The following PKLR variants were observed in gnomAD, a reference collection of about 807,000 sequenced individuals.
PKLR encodes the protein pyruvate kinase L/R, also known as pyruvate kinase PKLR.
Under a neutral mutation model 53.6 loss-of-function variants are expected in PKLR, and 38 were observed. That is an observed-to-expected ratio of 0.71 (90% CI 0.55 to 0.93). The LOEUF (loss-of-function observed/expected upper bound fraction) is 0.93, where lower values mean the gene tolerates loss of function less well. Among genes scored for constraint, PKLR ranks in the 40% least tolerant of loss-of-function variants. The probability of loss-of-function intolerance (pLI) is 0.00; values close to 1 mark genes in which losing one functional copy is unlikely to be tolerated. For synonymous variants in PKLR, 328 were observed against 316.2 expected (o/e 1.04, Z -0.39); for missense variants, 702 against 787.3 (o/e 0.89, Z 1.30).
rs1222147386 is a variant in PKLR, at chr1:155,295,997, G to A, written c.284-241C>T. On this transcript the variant is annotated intron_variant, in intron 2 of 10. Coordinates refer to ENST00000342741, the MANE Select transcript of PKLR (RefSeq NM_000298.6). The surrounding 1 kb of genome is among the most constrained non-coding windows in gnomAD (Gnocchi z 4.3). ...GGGAGTGCCCTCCGCCAGGCCTGAG[G>A]TCACTGTATGGGCATGTATGGGCAC... 6.6e-6 allele frequency among the ~76,000 whole-genome samples: 1 copy of A among 152,190 alleles called. No homozygotes were observed. The highest frequency in any genetic ancestry group is 1.5e-5 in the Non-Finnish European group (1 of 68,032).
upstream of PKLR, among the ~76,000 whole-genome samples, chr1:155,306,157 G>A (rs1648229636): frequency 6.6e-6 from 1 of 152,150 alleles, no homozygotes; most frequent in Non-Finnish European, 1.5e-5. The surrounding 1 kb of genome is among the most constrained non-coding windows in gnomAD (Gnocchi z 4.2). Flanking sequence ...CATGAAGCAT[G>A]GTCTGCACTT....
chr1:155,297,391 A>G (rs2148211734), intron 2 of PKLR, among the ~76,000 whole-genome samples: 1 of 151,844 alleles, frequency 6.6e-6, no homozygotes, highest in South Asian at 2.1e-4. Context: ...TTATGGCAAA[A>G]ACCTCAGAGT....
Position 155,290,645 on chromosome 1 carries a change from A to C in PKLR, c.1652T>G (p.Leu551Arg), listed in dbSNP as rs1674490071. 1 of 1,613,310 alleles carries C rather than the reference A, an allele frequency of 6.2e-7. No homozygotes were observed. The highest frequency in any genetic ancestry group is 8.5e-7 in the Non-Finnish European group (1 of 1,179,458). Residue 551 changes from leucine to arginine, a missense_variant, in exon 11 of 11, where the codon CTG (leucine) becomes CGG (arginine). By Grantham distance (102) the Leu-to-Arg change is moderately radical. This residue lies in a region of PKLR where 183 missense variants were observed against 250.2 expected (regional missense o/e 0.73). Transcript: ENST00000342741. ...KLRGFLRVGD[L>R]VIVVTGWRPG... ...TCGCCAGCCTGTCACCACAATCACC[A>C]GGTCTCCAACACGGAGGAAGCCACG...
At chr1:155,292,027 A>G (rs1647245130) in intron 9 of PKLR, 90 bp from the exon 10 acceptor site, 1 of 1,259,192 alleles carries the variant, frequency 7.9e-7, no homozygotes, top group African/African-American at 1.5e-5. Context: ...GGTGTCACTA[A>G]CAAGCTGTGT....
upstream of PKLR, chr1:155,301,537 C>A (rs1048589525): frequency 2.9e-6 from 3 of 1,031,434 alleles, no homozygotes; most frequent in Admixed American, 2.0e-5. Context: ...ATCCCTCCCC[C>A]AGAACGGCCT....
Position 155,294,768 on chromosome 1 carries a change from G to A in PKLR, c.695-16C>T. ...CCCTCTGGGCCTGCGGACATGGAAA[G>A]AGCCAGCTGCGGTCAGGGGTGAGGA... On this transcript the variant is annotated splice_polypyrimidine_tract_variant and intron_variant, in intron 5 of 10. Coordinates refer to ENST00000342741, the MANE Select transcript of PKLR (RefSeq NM_000298.6). The A allele has an allele frequency of 6.2e-7, 1 of 1,613,714 alleles. No individual in the cohort carries two copies. The highest frequency in any genetic ancestry group is 1.7e-5 in the Admixed American group (1 of 60,022).
At position 155,290,523 on chromosome 1, in the gene PKLR, G is replaced by A. The variant is rs1198217070; in HGVS notation, c.*49C>T. ...GGGCTGGAGAACGTAGACTGGGGAG[G>A]AAGGGATGGGGTACAAGGGTAGGCT... On this transcript the variant is annotated 3_prime_UTR_variant, in exon 11 of 11. Coordinates refer to ENST00000342741, the MANE Select transcript of PKLR (RefSeq NM_000298.6). 9.0e-7 allele frequency: 1 copy of A among 1,109,318 alleles called. No homozygotes were observed. The highest frequency in any genetic ancestry group is 1.6e-5 in the African/African-American group (1 of 64,488). The allele number at this position is 1,109,318 out of a possible 1,614,324, so 68.7% of individuals were successfully genotyped here. A position where few individuals can be genotyped will look rare whatever the true frequency, so the allele number is the denominator to read the frequency against.
chr1:155,304,239 C>G (rs1227249495), upstream of PKLR, among the ~76,000 whole-genome samples: 1 of 151,996 alleles, frequency 6.6e-6, no homozygotes, highest in Non-Finnish European at 1.5e-5. Context: ...TTGAGACCAG[C>G]CTGGCTAACA....
intron 1 of PKLR, chr1:155,300,915 T>G (rs1338707381): frequency 6.2e-7 from 1 of 1,605,248 alleles, no homozygotes; most frequent in Non-Finnish European, 8.5e-7. Flanking sequence ...TGGGTCTCCC[T>G]CTCTGTGGGT....
intron 9 of PKLR, among the ~76,000 whole-genome samples, chr1:155,292,345 A>G (rs1342894437): frequency 6.6e-6 from 1 of 151,724 alleles, no homozygotes; most frequent in Admixed American, 6.6e-5. Flanking sequence ...TTTAAGAAAT[A>G]TAAAAGCTGG....
At chr1:155,299,999 G>A (rs999333824) in intron 2 of PKLR, 99 bp downstream of exon 2, 1 of 1,274,190 alleles carries the variant, frequency 7.8e-7, no homozygotes, top group African/African-American at 1.5e-5. Flanking sequence ...GAATGACTGT[G>A]TCAAACATGG....
intron 2 of PKLR, among the ~76,000 whole-genome samples, chr1:155,297,700 G>A (rs1647675368): frequency 6.6e-6 from 1 of 151,982 alleles, no homozygotes; most frequent in African/African-American, 2.4e-5. Flanking sequence ...GGAGGAAAAC[G>A]CAACTCAAAT....
At chr1:155,298,548 A>C (rs1429444476) in intron 2 of PKLR, among the ~76,000 whole-genome samples, 1 of 145,612 alleles carries the variant, frequency 6.9e-6, no homozygotes, top group African/African-American at 2.6e-5. Flanking sequence ...GCTGGTCTCG[A>C]ACTCCTGACC....
At chr1:155,300,013 A>C in intron 2 of PKLR, 85 bp downstream of exon 2, 1 of 1,322,206 alleles carries the variant, frequency 7.6e-7, no homozygotes, top group Non-Finnish European at 1.1e-6. Flanking sequence ...AACATGGAGA[A>C]GTCTCAAAGG....
intron 10 of PKLR, among the ~76,000 whole-genome samples, chr1:155,291,024 AT>A: frequency 2.1e-5 from 3 of 141,770 alleles, no homozygotes; most frequent in Admixed American, 7.0e-5. Context: ...AATAATAATA[AT>A]AATAATAATA....
At position 155,291,880 on chromosome 1, in the gene PKLR, G is replaced by A. The variant is rs1413894044; in HGVS notation, c.1494C>T (p.Arg498=). The change falls in exon 10 of 11, where the codon CGC becomes CGT. Residue 498 remains arginine, a synonymous_variant. Coordinates refer to ENST00000342741, the MANE Select transcript of PKLR (RefSeq NM_000298.6). ...RPRAAVIAVT[R]SAQAARQVHL... ...GGACCTGGCGGGCAGCCTGGGCAGAGCGGGTGACAGCAATGACTGCTGCCC... is the reference window on the plus strand; with the variant it reads ...GGACCTGGCGGGCAGCCTGGGCAGAACGGGTGACAGCAATGACTGCTGCCC... The A allele has an allele frequency of 3.1e-6, 5 of 1,614,006 alleles. No homozygotes were observed. The highest frequency in any genetic ancestry group is 1.7e-4 in the Middle Eastern group (1 of 5,912).
upstream of PKLR, among the ~76,000 whole-genome samples, chr1:155,304,123 T>C (rs2095144564): frequency 6.6e-6 from 1 of 152,024 alleles, no homozygotes; most frequent in African/African-American, 2.4e-5. Flanking sequence ...TTTAGGTCCC[T>C]CCCGCTGCTG....
rs1415897549 is a variant in PKLR at position 155,295,261 on chromosome 1, C to G, written c.549G>C (p.Val183=). ...SEVELVKGSQ[V]LVTVDPAFRT... ...GGAACGCGGGGTCCACAGTCACCAG[C>G]ACCTGGGAGCCCTTCACCAGCTCCA... The change falls in exon 5 of 11, where the codon GTG becomes GTC. Residue 183 remains valine, a synonymous_variant. Coordinates refer to ENST00000342741, the MANE Select transcript of PKLR (RefSeq NM_000298.6). This position sits in a 1 kb window ranked among gnomAD's most constrained non-coding sequence, Gnocchi z 4.3. The G allele has an allele frequency of 3.7e-6, 6 of 1,614,022 alleles. No homozygotes were observed. The highest frequency in any genetic ancestry group is 1.3e-5 in the African/African-American group (1 of 74,946).
intron 5 of PKLR, among the ~76,000 whole-genome samples, 180 bp downstream of exon 5, chr1:155,294,936 C>T (rs1205716873): frequency 6.6e-6 from 1 of 152,238 alleles, no homozygotes; most frequent in Non-Finnish European, 1.5e-5. Context: ...ACGACCCACC[C>T]ATAGTCCAGC....
Sources: allele counts gnomAD v4.1 joint callset (sites outside exome capture counted in the v4.1 genomes callset), GRCh38; gene constraint gnomAD v4.1.1; regional missense constraint gnomAD v4.1.1; non-coding constraint Gnocchi (gnomAD v3.1); transcripts MANE v1.5; gene names NCBI Gene and HGNC (gene_info 2026-07-23, HGNC 2026-07-21).